The following EYA3 variants were observed in gnomAD, a reference collection of about 807,000 sequenced individuals.
EYA3 encodes the protein protein phosphatase EYA3.
A neutral mutation model predicts 80.0 loss-of-function variants in EYA3; 39 were observed. The ratio of observed to expected loss-of-function variants is 0.49; its 90% CI spans 0.38 to 0.64. EYA3 has a LOEUF of 0.64. EYA3 is among the 30% of genes least tolerant of loss of function. The pLI, the probability that EYA3 is intolerant of heterozygous loss-of-function variation, is 0.00. For missense variants in EYA3, 523 were observed against 676.1 expected, an observed-to-expected ratio of 0.77 and a Z score of 2.51; for synonymous variants, 206 against 232.8, an observed-to-expected ratio of 0.88 and a Z score of 1.05.
chr1:28,052,061 T>G lies in EYA3; in HGVS notation c.34-3635A>C, dbSNP rs530261953. Among the ~76,000 whole-genome samples the G allele has an allele frequency of 3.3e-5, 5 of 152,076 alleles. No homozygotes were observed. The East Asian group carries it at 7.7e-4, about 23-fold the overall frequency. On this transcript the variant is annotated intron_variant, in intron 2 of 17. Transcript: ENST00000373871. ...GCTCACTCTGTCACCCTGGCTGGAG[T>G]GCAGTGGTGCGATCTCGGCTCACTG...
intron 5 of EYA3, among the ~76,000 whole-genome samples, chr1:28,038,329 G>A (rs779268562): frequency 2.0e-5 from 3 of 151,644 alleles, no homozygotes; most frequent in Admixed American, 6.6e-5. Flanking sequence ...CCAGCTATCC[G>A]GGAGGCTGAG....
chr1:28,080,413 C>T (rs942954290), intron 1 of EYA3, among the ~76,000 whole-genome samples: 5 of 152,074 alleles, frequency 3.3e-5, no homozygotes, highest in Non-Finnish European at 4.4e-5. Flanking sequence ...GCCGTGATAG[C>T]GTCACTACGC....
At chr1:28,030,529 C>T (rs1643078926) in intron 6 of EYA3, among the ~76,000 whole-genome samples, 1 of 152,188 alleles carries the variant, frequency 6.6e-6, no homozygotes, top group Admixed American at 6.5e-5. Context: ...TTAAATGATC[C>T]TCCTGCCTTG....
At chr1:28,046,151 T>C (rs906688240) in intron 3 of EYA3, among the ~76,000 whole-genome samples, 1 of 152,190 alleles carries the variant, frequency 6.6e-6, no homozygotes, top group Non-Finnish European at 1.5e-5. Context: ...TTTGGAAAGA[T>C]GAATAAAGTT....
intron 1 of EYA3, among the ~76,000 whole-genome samples, chr1:28,069,189 C>A (rs538431440): frequency 6.6e-6 from 1 of 152,044 alleles, no homozygotes; most frequent in Non-Finnish European, 1.5e-5. Context: ...CAGCTCACTG[C>A]AACCTCCACC....
Position 28,073,103 on chromosome 1 carries a change from T to TTATATATACATATACATA in EYA3, c.-68-15010_-68-15009insTATGTATATGTATATATA, listed in dbSNP as rs1553157587. 4.0e-3 allele frequency among the ~76,000 whole-genome samples: 151 copies of TTATATATACATATACATA among 37,750 alleles called. 3 individuals carry two copies. Among genetic ancestry groups the TTATATATACATATACATA allele is most frequent in the Non-Finnish European group, 5.7e-3 (133 of 23,432 alleles). The allele number at this position is 37,750 out of a possible 152,430, so 24.8% of individuals were successfully genotyped here. A position where few individuals can be genotyped will look rare whatever the true frequency, so the allele number is the denominator to read the frequency against. On this transcript the variant is annotated intron_variant, in intron 1 of 17. Transcript: ENST00000373871. ...ATCCTTTTTGGGATTGATGAAACTA[T>TTATATATACATATACATA]TATATATATATATATATATATATAT...
At chr1:28,028,179 A>G (rs979161738) in intron 6 of EYA3, among the ~76,000 whole-genome samples, 1 of 152,206 alleles carries the variant, frequency 6.6e-6, no homozygotes, top group Admixed American at 6.5e-5. Context: ...ATTCATTTCA[A>G]TGACTGGGGG....
In EYA3 at chr1:28,075,786, T is replaced by C. The variant is rs554874879; in HGVS notation, c.-69+12738A>G. The stretch of plus-strand genomic sequence containing the variant: ...GCTACATTTCTGAAACTTCTACATA[T>C]ACTTTTCGCTGTGATTTCTTCTCCT... On this transcript the variant is annotated intron_variant, in intron 1 of 17. Coordinates refer to ENST00000373871, the MANE Select transcript of EYA3 (RefSeq NM_001990.4). Among the ~76,000 whole-genome samples the C allele has an allele frequency of 2.2e-3, 329 of 152,358 alleles. 1 individual carries two copies. The highest frequency in any genetic ancestry group is 3.9e-3 in the Non-Finnish European group (263 of 68,036).
intron 1 of EYA3, among the ~76,000 whole-genome samples, chr1:28,081,124 C>T (rs1645411602): frequency 6.6e-6 from 1 of 152,148 alleles, no homozygotes; most frequent in Admixed American, 6.5e-5. Flanking sequence ...ATAAAGGAAA[C>T]CACTGAGTTA....
chr1:27,980,261 T>A lies in EYA3; in HGVS notation c.1541-1787A>T, dbSNP rs1295867034. On this transcript the variant is annotated intron_variant, in intron 16 of 17. Transcript: ENST00000373871. The stretch of plus-strand genomic sequence containing the variant: ...TAATAATAAATTCTTATTATGTTCA[T>A]GGTGTTGAAGAGTTCTTTAATTCCA... 2.0e-5 allele frequency among the ~76,000 whole-genome samples: 3 copies of A among 152,218 alleles called. No individual in the cohort carries two copies. In the East Asian group the frequency reaches 5.8e-4, roughly 29 times the overall value.
In EYA3 at chr1:28,009,341, C is replaced by T. The variant is rs1641521579; in HGVS notation, c.909+1606G>A. 6.6e-6 allele frequency among the ~76,000 whole-genome samples: 1 copy of T among 152,110 alleles called. No homozygotes were observed. Among genetic ancestry groups the T allele is most frequent in the Non-Finnish European group, 1.5e-5 (1 of 68,026 alleles). On this transcript the variant is annotated intron_variant, in intron 10 of 17. Coordinates refer to ENST00000373871, the MANE Select transcript of EYA3 (RefSeq NM_001990.4). The surrounding 1 kb of genome is among the most constrained non-coding windows in gnomAD (Gnocchi z 4.8). ...AATGAAATTCTGGTATGTGCTACAA[C>T]ATGGATGAACCTTAAAAACATTATG...
intron 5 of EYA3, 133 bp from the exon 6 acceptor site, chr1:28,035,813 T>C: frequency 2.4e-6 from 2 of 831,062 alleles, no homozygotes; most frequent in Non-Finnish European, 1.9e-6. Context: ...AATGGCTCTT[T>C]TCAAAAATTT....
chr1:28,074,795 T>C (rs1645146211), intron 1 of EYA3, among the ~76,000 whole-genome samples: 1 of 152,200 alleles, frequency 6.6e-6, no homozygotes. Flanking sequence ...ACATTTTAAA[T>C]AAGGTAATGT....
chr1:28,056,595 G>T (rs1474957225), intron 2 of EYA3, among the ~76,000 whole-genome samples: 1 of 152,210 alleles, frequency 6.6e-6, no homozygotes, highest in Non-Finnish European at 1.5e-5. Context: ...TTTATAGTCA[G>T]CAGAAATTTT....
At chr1:28,037,968 A>C (rs1571865853) in intron 5 of EYA3, among the ~76,000 whole-genome samples, 2 of 152,308 alleles carry the variant, frequency 1.3e-5, no homozygotes, top group Admixed American at 1.3e-4. Context: ...TTTATTACGC[A>C]CAATAGGTAG....
intron 5 of EYA3, among the ~76,000 whole-genome samples, chr1:28,036,250 T>C (rs1289689468): frequency 6.6e-6 from 1 of 152,212 alleles, no homozygotes. Flanking sequence ...CCTACAAACA[T>C]TTCTAGTGTG....
Position 27,971,183 on chromosome 1 carries a change from G to T in EYA3, c.*3283C>A, listed in dbSNP as rs1638710504. 6.6e-6 allele frequency: 1 copy of T among 152,212 alleles called. No homozygotes were observed. Among genetic ancestry groups the T allele is most frequent in the Admixed American group, 6.6e-5 (1 of 15,266 alleles). The allele number at this position is 152,212 out of a possible 1,614,324, so 9.4% of individuals were successfully genotyped here. A position where few individuals can be genotyped will look rare whatever the true frequency, so the allele number is the denominator to read the frequency against. On this transcript the variant is annotated 3_prime_UTR_variant, in exon 18 of 18. Transcript: ENST00000373871. ...GGGCACTGGACAGGGTGATGCTAAG[G>T]CACAGTCAGTTTTACATTCGAAAGT...
At chr1:28,020,696 G>GTGTGTGTC (rs1387582333) in intron 7 of EYA3, among the ~76,000 whole-genome samples, 3 of 117,188 alleles carry the variant, frequency 2.6e-5, no homozygotes, top group Non-Finnish European at 6.3e-5. Context: ...GTGTGTGTGT[G>GTGTGTGTC]TGTGTGTGTG....
intron 16 of EYA3, among the ~76,000 whole-genome samples, chr1:27,980,479 A>G (rs748148205): frequency 3.3e-5 from 5 of 152,258 alleles, no homozygotes; most frequent in Admixed American, 6.5e-5. Context: ...ATGATCAAGG[A>G]TGAAATATAC....
Sources: gnomAD v4.1 joint callset for allele counts (sites outside exome capture counted in the v4.1 genomes callset) on GRCh38, gnomAD v4.1.1 for gene constraint, Gnocchi (gnomAD v3.1) non-coding constraint, MANE v1.5 for transcripts, NCBI Gene and HGNC (gene_info 2026-07-23, HGNC 2026-07-21) for gene names.